TXN2: variants seen among roughly 807,000 people sequenced by gnomAD.
The protein encoded by TXN2 is thioredoxin 2.
A neutral mutation model predicts 14.6 loss-of-function variants in TXN2; 12 were observed. That is an observed-to-expected ratio of 0.82 (90% CI 0.53 to 1.33). The LOEUF is 1.33. Among genes scored for constraint, TXN2 ranks in the 40% most tolerant of loss-of-function variants. The pLI is 0.00. For missense variants in TXN2, 173 were observed against 207.7 expected (o/e 0.83, Z 1.03); for synonymous variants, 89 against 81.0 (o/e 1.10, Z -0.53).
chr22:36,469,028 T>C lies in TXN2; in HGVS notation c.388-1111A>G, dbSNP rs1472949389. On this transcript the variant is annotated intron_variant, in intron 3 of 3. Coordinates refer to ENST00000216185, the MANE Select transcript of TXN2 (RefSeq NM_012473.4). ...CTGCACTCCAGCCTGGGTGACAGAGTGAGACTCCATCTCATAAATAAATAA... is the reference window on the plus strand; with the variant it reads ...CTGCACTCCAGCCTGGGTGACAGAGCGAGACTCCATCTCATAAATAAATAA... Among the ~76,000 whole-genome samples, 7 of 151,298 alleles carry C rather than the reference T, an allele frequency of 4.6e-5. No individual in the cohort carries two copies. In the East Asian group the frequency reaches 1.4e-3, roughly 29 times the overall value.
At chr22:36,475,850 C>T (rs1603488757) in intron 3 of TXN2, among the ~76,000 whole-genome samples, 2 of 152,208 alleles carry the variant, frequency 1.3e-5, no homozygotes, top group East Asian at 3.8e-4. Context: ...TGTCTTTGTG[C>T]ACGCTGTTTC....
At chr22:36,468,586 G>A (rs1486835297) in intron 3 of TXN2, 10 of 385,814 alleles carry the variant, frequency 2.6e-5, no homozygotes, top group Non-Finnish European at 4.7e-5. Context: ...TATTAGCCAG[G>A]CATGGTGGTA....
chr22:36,468,012 C>T (rs972723788), intron 3 of TXN2, 95 bp from the exon 4 acceptor site: 17 of 1,075,786 alleles, frequency 1.6e-5, no homozygotes, highest in Non-Finnish European at 2.4e-5. Flanking sequence ...GGTGGCTTAT[C>T]CAGGGCACTG....
chr22:36,478,608 G>A (rs994064116), intron 2 of TXN2, among the ~76,000 whole-genome samples: 1 of 152,156 alleles, frequency 6.6e-6, no homozygotes, highest in Non-Finnish European at 1.5e-5. Context: ...TCCTGCCTCA[G>A]CCTCCTGAGT....
chr22:36,474,283 T>C (rs5750261), intron 3 of TXN2, among the ~76,000 whole-genome samples: 125,318 of 152,116 alleles, frequency 0.82, 53,127 homozygotes, highest in African/African-American at 0.95. Context: ...GTGGCCACCG[T>C]GTTTGTCTGC....
intron 2 of TXN2, among the ~76,000 whole-genome samples, chr22:36,478,276 G>A (rs1055239735): frequency 3.9e-5 from 6 of 152,112 alleles, no homozygotes; most frequent in Non-Finnish European, 5.9e-5. Flanking sequence ...GGACAGGCCT[G>A]GTGCTGTCAT....
chr22:36,474,058 T>C (rs1933338006), intron 3 of TXN2, among the ~76,000 whole-genome samples: 1 of 152,174 alleles, frequency 6.6e-6, no homozygotes, highest in African/African-American at 2.4e-5. Flanking sequence ...ACGCGTGACC[T>C]GTGGGAGGCC....
At chr22:36,479,076 G>A (rs1467978353) in intron 2 of TXN2, among the ~76,000 whole-genome samples, 1 of 152,090 alleles carries the variant, frequency 6.6e-6, no homozygotes, top group African/African-American at 2.4e-5. Context: ...GCAGTGAGCC[G>A]TGATCGCACC....
At chr22:36,469,039 C>G (rs961452622) in intron 3 of TXN2, among the ~76,000 whole-genome samples, 2 of 144,390 alleles carry the variant, frequency 1.4e-5, no homozygotes, top group Non-Finnish European at 3.0e-5. Flanking sequence ...GAGACTCCAT[C>G]TCATAAATAA....
At position 36,467,651 on chromosome 22, in the gene TXN2, G is replaced by A. The variant is rs1029265188; in HGVS notation, c.*153C>T. 45 of 666,432 alleles carry A rather than the reference G, an allele frequency of 6.8e-5. No individual in the cohort carries two copies. Among genetic ancestry groups the A allele is most frequent in the South Asian group, 4.9e-4 (28 of 57,298 alleles). The allele number at this position is 666,432 out of a possible 1,614,324, so 41.3% of individuals were successfully genotyped here. On this transcript the variant is annotated 3_prime_UTR_variant, in exon 4 of 4. Coordinates refer to ENST00000216185, the MANE Select transcript of TXN2 (RefSeq NM_012473.4). ...TCCTCTGATGGCCCCTGGGCAGTCC[G>A]CCAGCTCGGAAGCACTCAGGGCTGG...
At chr22:36,471,968 TAA>T (rs59924757) in intron 3 of TXN2, among the ~76,000 whole-genome samples, 35 of 100,202 alleles carry the variant, frequency 3.5e-4, no homozygotes, top group Admixed American at 4.5e-4. Context: ...AGACCCCCTC[TAA>T]AAAAAAAAAA....
Position 36,481,608 on chromosome 22 carries a change from G to T in TXN2, c.-45C>A. ...AGGGATGCACAGCCTAGCCCTCCCT[G>T]CCTGTCAAGGGCACGCCTGTCGTCA... On this transcript the variant is annotated 5_prime_UTR_variant, in exon 1 of 4. Coordinates refer to ENST00000216185, the MANE Select transcript of TXN2 (RefSeq NM_012473.4). The T allele has an allele frequency of 1.0e-6, 1 of 997,174 alleles. No homozygotes were observed. Among genetic ancestry groups the T allele is most frequent in the Non-Finnish European group, 1.2e-6 (1 of 828,836 alleles). 61.8% of individuals were successfully genotyped at this position (997,174 alleles called of 1,614,324 possible).
intron 1 of TXN2, 114 bp from the exon 2 acceptor site, chr22:36,480,951 A>G (rs966095592): frequency 8.5e-7 from 1 of 1,176,542 alleles, no homozygotes; most frequent in Admixed American, 3.1e-5. Flanking sequence ...AGCAAAATGC[A>G]AGGAAATCAT....
intron 1 of TXN2, 100 bp from the exon 2 acceptor site, chr22:36,480,937 TG>T (rs1258849416): frequency 7.6e-7 from 1 of 1,317,212 alleles, no homozygotes; most frequent in Non-Finnish European, 1.0e-6. Context: ...GAGGCAGAGT[TG>T]GAAGCAAAAT....
At chr22:36,475,121 T>C (rs1196659129) in intron 3 of TXN2, among the ~76,000 whole-genome samples, 1 of 152,238 alleles carries the variant, frequency 6.6e-6, no homozygotes. Context: ...CTTACGCCTG[T>C]AATCCCAGCA....
chr22:36,476,726 T>C lies in TXN2; in HGVS notation c.387+7A>G. The C allele has an allele frequency of 6.2e-7, 1 of 1,614,146 alleles. No homozygotes were observed. Among genetic ancestry groups the C allele is most frequent in the Non-Finnish European group, 8.5e-7 (1 of 1,180,026 alleles). ...CTTCCCTGTGGCAACTCCCTGTCAATCCATACCTCATACTCAATGGCGAGG... is the reference window on the plus strand; with the variant it reads ...CTTCCCTGTGGCAACTCCCTGTCAACCCATACCTCATACTCAATGGCGAGG... On this transcript the variant is annotated splice_region_variant and intron_variant, in intron 3 of 3. Transcript: ENST00000216185.
At chr22:36,468,742 A>G (rs1487028477) in intron 3 of TXN2, 1 of 430,122 alleles carries the variant, frequency 2.3e-6, no homozygotes, top group Non-Finnish European at 4.6e-6. Context: ...GAAAGATTTG[A>G]GTATAAAGCA....
rs375899563 is a variant in TXN2, at chr22:36,467,372, C to A, written c.*432G>T. The A allele has an allele frequency of 7.5e-4, 139 of 184,116 alleles. 1 individual carries two copies. In the South Asian group the frequency reaches 0.016, roughly 21 times the overall value. 11.4% of individuals were successfully genotyped at this position (184,116 alleles called of 1,614,324 possible). On this transcript the variant is annotated 3_prime_UTR_variant, in exon 4 of 4. Coordinates refer to ENST00000216185, the MANE Select transcript of TXN2 (RefSeq NM_012473.4). ...TAGATATTACTCTCACTAGTTTGGG[C>A]TTCTTTTTTCTTTTTCTTTTTACAA...
intron 3 of TXN2, among the ~76,000 whole-genome samples, chr22:36,473,774 C>G (rs187175334): frequency 3.9e-4 from 59 of 152,262 alleles, no homozygotes; most frequent in African/African-American, 1.4e-3. Flanking sequence ...GAGAGGATTC[C>G]ACAGGAGGCA....
Sources: gnomAD v4.1 joint callset for allele counts (sites outside exome capture counted in the v4.1 genomes callset) on GRCh38, gnomAD v4.1.1 for gene constraint, MANE v1.5 for transcripts, NCBI Gene and HGNC (gene_info 2026-07-23, HGNC 2026-07-21) for gene names.